The following ZNF254 variants were observed in gnomAD, a reference collection of about 807,000 sequenced individuals.
ZNF254 encodes zinc finger protein 254, also known as CTD-2017D11.1.
In ZNF254, 10 loss-of-function variants were observed where a neutral mutation model predicts 12.4. That is an observed-to-expected ratio of 0.80 (90% CI 0.50 to 1.36). The LOEUF is 1.36. ZNF254 is among the 40% of genes most tolerant of loss of function. The probability of loss-of-function intolerance (pLI) is 0.00; values close to 1 mark genes in which losing one functional copy is unlikely to be tolerated. For synonymous variants in ZNF254, 305 were observed against 253.4 expected (o/e 1.20, Z -1.93); for missense variants, 996 against 763.9 (o/e 1.30, Z -3.58).
chr19:24,105,559 C>G (rs557144995), intron 1 of ZNF254: 9 of 220,216 alleles, frequency 4.1e-5, no homozygotes, highest in Admixed American at 3.8e-4. Flanking sequence ...TTGAGTGGTA[C>G]CTTCTAACTC....
At chr19:24,113,050 A>G (rs1440395769) in intron 3 of ZNF254, among the ~76,000 whole-genome samples, 2 of 152,220 alleles carry the variant, frequency 1.3e-5, no homozygotes, top group Non-Finnish European at 2.9e-5. Flanking sequence ...GAGCTTACCA[A>G]TGAAAAAGAG....
chr19:24,035,526 A>G (rs920746468), intron 1 of ZNF254, among the ~76,000 whole-genome samples: 2 of 152,124 alleles, frequency 1.3e-5, no homozygotes, highest in African/African-American at 4.8e-5. Context: ...AATACAAAAA[A>G]TTAGCCGGGC....
intron 3 of ZNF254, 119 bp downstream of exon 3, chr19:24,106,762 A>C: frequency 1.1e-6 from 1 of 942,006 alleles, no homozygotes; most frequent in Admixed American, 2.8e-5. Context: ...TGGGAAGCCT[A>C]AATTTTTTTT....
chr19:24,105,403 A>G, intron 1 of ZNF254: 1 of 258,578 alleles, frequency 3.9e-6, no homozygotes, highest in South Asian at 4.0e-5. Context: ...CACTTACTGG[A>G]TGTTTGACAA....
In ZNF254 at chr19:24,058,558, C is replaced by A. The variant is rs1172339531; in HGVS notation, c.-94+12279C>A. Among the ~76,000 whole-genome samples, 3 of 152,066 alleles carry A rather than the reference C, an allele frequency of 2.0e-5. No individual in the cohort carries two copies. In the East Asian group the frequency reaches 5.8e-4, roughly 29 times the overall value. On this transcript the variant is annotated intron_variant, in intron 2 of 4. Transcript: ENST00000613065. ...AAGTAGCTTAGATTACAGGCATGCG[C>A]CACCACGCCTGGCTAATTTTTGTAT...
chr19:24,070,062 G>A (rs1308303898), intron 2 of ZNF254, among the ~76,000 whole-genome samples: 1 of 152,214 alleles, frequency 6.6e-6, no homozygotes, highest in Non-Finnish European at 1.5e-5. Context: ...CAAACATCGA[G>A]CCAGGAATGT....
intron 2 of ZNF254, chr19:24,065,942 C>T (rs769671862): frequency 6.6e-6 from 1 of 152,106 alleles, no homozygotes; most frequent in Non-Finnish European, 1.5e-5. Flanking sequence ...TTACTCTCTT[C>T]TCCTGCCTGA....
At chr19:24,037,739 A>G (rs1970020059) in intron 1 of ZNF254, among the ~76,000 whole-genome samples, 1 of 152,130 alleles carries the variant, frequency 6.6e-6, no homozygotes, top group South Asian at 2.1e-4. Context: ...CCTCCTGAGT[A>G]GCTGGGATTA....
chr19:24,057,131 C>T (rs536992606), intron 2 of ZNF254, among the ~76,000 whole-genome samples: 23 of 152,234 alleles, frequency 1.5e-4, no homozygotes, highest in Admixed American at 3.3e-4. Flanking sequence ...TGTATAAAGT[C>T]CTCAAGTGGT....
chr19:24,122,283 G>T (rs1040287940), intron 3 of ZNF254, among the ~76,000 whole-genome samples: 2 of 151,794 alleles, frequency 1.3e-5, no homozygotes, highest in African/African-American at 2.4e-5. Flanking sequence ...GAAGTGCAGT[G>T]GCACCATCTC....
rs564699771 is a variant in ZNF254, at chr19:24,042,544, C to T, written c.-189-3640C>T. The stretch of plus-strand genomic sequence containing the variant: ...TTCACTCCTGAAGCCAGCGACACCA[C>T]GAGCCCACCAGAAGGAAGAAACTCC... On this transcript the variant is annotated intron_variant, in intron 1 of 4. Transcript: ENST00000613065. 1.6e-3 allele frequency among the ~76,000 whole-genome samples: 241 copies of T among 152,272 alleles called. 2 individuals are homozygous for T. Among genetic ancestry groups the T allele is most frequent in the Non-Finnish European group, 2.8e-3 (191 of 68,022 alleles).
intron 1 of ZNF254, among the ~76,000 whole-genome samples, chr19:24,088,466 C>T (rs1373558719): frequency 6.6e-6 from 1 of 151,914 alleles, no homozygotes; most frequent in Non-Finnish European, 1.5e-5. Context: ...ACATGTATCC[C>T]AAGCAGGGCC....
At chr19:24,107,157 T>C in intron 3 of ZNF254, 2 of 593,716 alleles carry the variant, frequency 3.4e-6, no homozygotes, top group South Asian at 2.1e-5. Flanking sequence ...TGCTTTGTTC[T>C]TTTTCCTCAA....
At chr19:24,040,037 T>C (rs1328775705) in intron 1 of ZNF254, among the ~76,000 whole-genome samples, 1 of 152,244 alleles carries the variant, frequency 6.6e-6, no homozygotes, top group Non-Finnish European at 1.5e-5. Flanking sequence ...AAGTTCTTGT[T>C]GGTCCAGCTT....
chr19:24,100,135 G>A (rs1258471216), intron 1 of ZNF254, among the ~76,000 whole-genome samples: 1 of 152,020 alleles, frequency 6.6e-6, no homozygotes, highest in Non-Finnish European at 1.5e-5. Context: ...ACTTTATAGG[G>A]CAGATATTAA....
chr19:24,117,207 A>T (rs1037612471), intron 3 of ZNF254, among the ~76,000 whole-genome samples: 26 of 152,088 alleles, frequency 1.7e-4, no homozygotes, highest in African/African-American at 5.8e-4. Context: ...GTGTTGGGAG[A>T]ACCACTGCTC....
chr19:24,073,704 C>T (rs933146621), intron 2 of ZNF254, among the ~76,000 whole-genome samples: 4 of 152,122 alleles, frequency 2.6e-5, no homozygotes, highest in African/African-American at 9.7e-5. Flanking sequence ...TTCAACATAC[C>T]GCTGAGGCTG....
intron 3 of ZNF254, among the ~76,000 whole-genome samples, chr19:24,120,136 C>G (rs1024631304): frequency 1.3e-5 from 2 of 152,086 alleles, no homozygotes; most frequent in Non-Finnish European, 2.9e-5. Context: ...TGGTGGCAGA[C>G]AAAAGAAAGA....
At chr19:24,062,384 G>C (rs989143717) in intron 2 of ZNF254, among the ~76,000 whole-genome samples, 1 of 152,178 alleles carries the variant, frequency 6.6e-6, no homozygotes, top group Non-Finnish European at 1.5e-5. Flanking sequence ...ATGTGAACAT[G>C]TGGCCACACT....
Sources: gnomAD v4.1 joint callset for allele counts (sites outside exome capture counted in the v4.1 genomes callset) on GRCh38, gnomAD v4.1.1 for gene constraint, MANE v1.5 for transcripts, NCBI Gene and HGNC (gene_info 2026-07-23, HGNC 2026-07-21) for gene names.